Variants in DROSHA observed in about 807,000 individuals in gnomAD.
The protein encoded by DROSHA is ribonuclease 3.
In DROSHA, 56 loss-of-function variants were observed where a neutral mutation model predicts 181.9. That is an observed-to-expected ratio of 0.31 (90% CI 0.25 to 0.38). The LOEUF is 0.38. Ranked by LOEUF, DROSHA falls within the 10% of genes least tolerant of loss-of-function variation. DROSHA has a pLI of 1.00. For missense variants in DROSHA, 1,218 were observed against 1,743.5 expected, an observed-to-expected ratio of 0.70 and a Z score of 5.37; for synonymous variants, 524 against 591.2, an observed-to-expected ratio of 0.89 and a Z score of 1.65.
Position 31,409,695 on chromosome 5 carries a change from A to G in DROSHA, c.3668-363T>C. ...TGAAGATTAGATATGATGCCAGAAT[A>G]CGCACATTCTTGGGTCTTGCCATTT... is the stretch of plus-strand genomic sequence containing the variant. On this transcript the variant is annotated intron_variant, in intron 31 of 35. Transcript: ENST00000344624. This position sits in a 1 kb window ranked among gnomAD's most constrained non-coding sequence, Gnocchi z 4.0. 5.4e-6 allele frequency: 1 copy of G among 184,026 alleles called. No individual in the cohort carries two copies. The highest frequency in any genetic ancestry group is 5.4e-5 in the Admixed American group (1 of 18,608). The allele number at this position is 184,026 out of a possible 1,614,324, so 11.4% of individuals were successfully genotyped here.
chr5:31,436,933 C>T (rs493760), intron 24 of DROSHA, among the ~76,000 whole-genome samples: 113,095 of 152,142 alleles, frequency 0.74, 42,190 homozygotes, highest in African/African-American at 0.8. Flanking sequence ...ACAAATTGAA[C>T]ATAAGCTCTG....
Position 31,401,259 on chromosome 5 carries a change from T to TAAAG in DROSHA, c.*169_*172dup, listed in dbSNP as rs1426962539. On this transcript the variant is annotated 3_prime_UTR_variant, in exon 36 of 36. Coordinates refer to ENST00000344624, the MANE Select transcript of DROSHA (RefSeq NM_001382508.1). ...AGAAGAAAAATCTAATACTTTGTAA[T>TAAAG]AAAGACCATCCAGCTAAAAACAGAT... The TAAAG allele has an allele frequency of 3.4e-6, 3 of 891,238 alleles. No individual in the cohort carries two copies. In the East Asian group the frequency reaches 8.9e-5, roughly 26 times the overall value. 55.2% of individuals were successfully genotyped at this position (891,238 alleles called of 1,614,324 possible).
At chr5:31,417,724 A>G (rs1036402657) in intron 30 of DROSHA, among the ~76,000 whole-genome samples, 5 of 152,220 alleles carry the variant, frequency 3.3e-5, no homozygotes, top group African/African-American at 1.2e-4. Flanking sequence ...GGCCACTCCA[A>G]TGTTAAGAGG....
At chr5:31,424,360 G>A in intron 28 of DROSHA, 67 bp downstream of exon 28, 1 of 1,542,738 alleles carries the variant, frequency 6.5e-7, no homozygotes, top group Non-Finnish European at 8.8e-7. Flanking sequence ...AGGAAAAAAA[G>A]GCAAAGGAAA....
intron 20 of DROSHA, among the ~76,000 whole-genome samples, 169 bp from the exon 21 acceptor site, chr5:31,451,809 T>C (rs1291294228): frequency 6.6e-6 from 1 of 152,198 alleles, no homozygotes; most frequent in Non-Finnish European, 1.5e-5. Context: ...TGAGAGACTG[T>C]AGCTGTTAAG....
intron 30 of DROSHA, among the ~76,000 whole-genome samples, chr5:31,415,087 A>T (rs1741782781): frequency 6.6e-6 from 1 of 152,200 alleles, no homozygotes; most frequent in South Asian, 2.1e-4. Flanking sequence ...ATTACTTTAA[A>T]CTTTCATAAG....
At chr5:31,402,823 A>AGAT (rs1225094180) in intron 35 of DROSHA, among the ~76,000 whole-genome samples, 1 of 152,174 alleles carries the variant, frequency 6.6e-6, no homozygotes, top group Non-Finnish European at 1.5e-5. Flanking sequence ...ATTTATTTAG[A>AGAT]GATGGAATCT....
Position 31,508,828 on chromosome 5 carries a change from T to TTG in DROSHA, c.1433-54_1433-53insCA, listed in dbSNP as rs1419562864. The TTG allele has an allele frequency of 4.1e-5, 63 of 1,546,488 alleles. No individual in the cohort carries two copies. The South Asian group carries it at 6.4e-4, about 16-fold the overall frequency. On this transcript the variant is annotated intron_variant, in intron 9 of 35. Transcript: ENST00000344624. ...AAATTGATGGAATTAACAAACTGGTTTTTTTTTTTCCCTGAGTTGGAGTCT... is the reference window on the plus strand; with the variant it reads ...AAATTGATGGAATTAACAAACTGGTTTGTTTTTTTTTCCCTGAGTTGGAGTCT...
chr5:31,514,883 TGC>T lies in DROSHA; in HGVS notation c.1290+103_1290+104del. 9.8e-7 allele frequency: 1 copy of T among 1,017,170 alleles called. No homozygotes were observed. Among genetic ancestry groups the T allele is most frequent in the South Asian group, 1.6e-5 (1 of 63,082 alleles). The allele number at this position is 1,017,170 out of a possible 1,614,324, so 63.0% of individuals were successfully genotyped here. ...AGAGATGCCGCTAAACATCCTACAA[TGC>T]ATAGGGCAGTCCCCACAATCAAGAA... On this transcript the variant is annotated intron_variant, in intron 8 of 35. Transcript: ENST00000344624. This position sits in a 1 kb window ranked among gnomAD's most constrained non-coding sequence, Gnocchi z 4.4.
At chr5:31,492,230 G>A (rs1752508518) in intron 13 of DROSHA, among the ~76,000 whole-genome samples, 1 of 152,118 alleles carries the variant, frequency 6.6e-6, no homozygotes, top group Admixed American at 6.5e-5. Flanking sequence ...AAAAAATACT[G>A]TGAAATAAAG....
chr5:31,422,710 G>C, intron 29 of DROSHA, 77 bp downstream of exon 29: 2 of 1,546,596 alleles, frequency 1.3e-6, no homozygotes, highest in Non-Finnish European at 1.8e-6. Context: ...CAATTCCTTC[G>C]AAGGGCATGC....
chr5:31,512,429 T>C (rs1738797524), intron 8 of DROSHA, among the ~76,000 whole-genome samples: 1 of 152,216 alleles, frequency 6.6e-6, no homozygotes, highest in African/African-American at 2.4e-5. Flanking sequence ...TTCATCTTTA[T>C]TGTTTTAAGA....
chr5:31,419,792 T>A (rs1742445727), intron 30 of DROSHA, among the ~76,000 whole-genome samples: 1 of 152,238 alleles, frequency 6.6e-6, no homozygotes, highest in Non-Finnish European at 1.5e-5. Context: ...GCCAACCAGA[T>A]ACTCTGACAC....
At position 31,514,880 on chromosome 5, in the gene DROSHA, C is replaced by T; in HGVS notation, c.1290+108G>A. ...CCCAGAGATGCCGCTAAACATCCTACAATGCATAGGGCAGTCCCCACAATC... is the reference window on the plus strand; with the variant it reads ...CCCAGAGATGCCGCTAAACATCCTATAATGCATAGGGCAGTCCCCACAATC... On this transcript the variant is annotated intron_variant, in intron 8 of 35. Transcript: ENST00000344624. The surrounding 1 kb of genome is among the most constrained non-coding windows in gnomAD (Gnocchi z 4.4). 1 of 999,292 alleles carries T rather than the reference C, an allele frequency of 1.0e-6. No individual in the cohort carries two copies. Among genetic ancestry groups the T allele is most frequent in the Non-Finnish European group, 1.5e-6 (1 of 676,016 alleles). The allele number at this position is 999,292 out of a possible 1,614,324, so 61.9% of individuals were successfully genotyped here.
chr5:31,446,041 A>C (rs1054052915), intron 23 of DROSHA, among the ~76,000 whole-genome samples: 2 of 152,242 alleles, frequency 1.3e-5, no homozygotes, highest in African/African-American at 4.8e-5. Context: ...CCACTAAAAG[A>C]CTATTAGACC....
intron 23 of DROSHA, among the ~76,000 whole-genome samples, chr5:31,438,923 G>C (rs1415755852): frequency 6.6e-6 from 1 of 152,122 alleles, no homozygotes; most frequent in Non-Finnish European, 1.5e-5. Flanking sequence ...GGACAGCATG[G>C]TATCCTCCAG....
intron 10 of DROSHA, among the ~76,000 whole-genome samples, chr5:31,507,445 C>T (rs1454301611): frequency 3.7e-5 from 5 of 134,940 alleles, no homozygotes; most frequent in African/African-American, 2.6e-5. Flanking sequence ...GCAATAAGAG[C>T]GAAACTCTGT....
At chr5:31,419,541 GGTTTCC>G (rs1286903234) in intron 30 of DROSHA, among the ~76,000 whole-genome samples, 1 of 147,424 alleles carries the variant, frequency 6.8e-6, no homozygotes, top group Non-Finnish European at 1.5e-5. Context: ...TCTGAGTTTT[GGTTTCC>G]GTACTGTTCA....
chr5:31,463,966 T>A, intron 20 of DROSHA: 1 of 398,092 alleles, frequency 2.5e-6, no homozygotes, highest in Non-Finnish European at 4.5e-6. Flanking sequence ...GACTTACCTT[T>A]ATCCAAAGAG....
Sources: gnomAD v4.1 joint callset for allele counts (sites outside exome capture counted in the v4.1 genomes callset) on GRCh38, gnomAD v4.1.1 for gene constraint, Gnocchi (gnomAD v3.1) non-coding constraint, MANE v1.5 for transcripts, NCBI Gene and HGNC (gene_info 2026-07-23, HGNC 2026-07-21) for gene names.